PCDH9: variants seen among roughly 807,000 people sequenced by gnomAD.
PCDH9 encodes protocadherin-9.
A neutral mutation model predicts 70.6 loss-of-function variants in PCDH9; 24 were observed. The ratio of observed to expected loss-of-function variants is 0.34; its 90% CI spans 0.25 to 0.48. The LOEUF (loss-of-function observed/expected upper bound fraction) is 0.48. PCDH9 is among the 20% of genes least tolerant of loss of function. PCDH9 has a pLI of 0.99. For missense variants in PCDH9, 1,281 were observed against 1,503.6 expected (o/e 0.85, Z 2.45); for synonymous variants, 562 against 558.5 (o/e 1.01, Z -0.09).
At chr13:66,813,713 C>G (rs1252450398) in intron 3 of PCDH9, among the ~76,000 whole-genome samples, 2 of 152,080 alleles carry the variant, frequency 1.3e-5, no homozygotes, top group South Asian at 4.1e-4. Context: ...TCAAATATAA[C>G]AGGTTAACCA....
intron 3 of PCDH9, among the ~76,000 whole-genome samples, chr13:66,834,084 A>G (rs12429996): frequency 0.35 from 53,670 of 151,398 alleles, 10,144 homozygotes; most frequent in Non-Finnish European, 0.43. Context: ...ATCTTTATAC[A>G]TTGATGTCCC....
chr13:67,048,863 T>C (rs1438928522), intron 2 of PCDH9, among the ~76,000 whole-genome samples: 2 of 152,116 alleles, frequency 1.3e-5, no homozygotes, highest in Non-Finnish European at 2.9e-5. Context: ...GGTTCTTCTG[T>C]TATACCGGCA....
intron 4 of PCDH9, among the ~76,000 whole-genome samples, chr13:66,582,949 C>T (rs2076912492): frequency 6.6e-6 from 1 of 152,134 alleles, no homozygotes; most frequent in Non-Finnish European, 1.5e-5. Context: ...TCCACCCAAA[C>T]ACATGATTAT....
intron 3 of PCDH9, among the ~76,000 whole-genome samples, chr13:66,767,643 T>C (rs1885949): frequency 0.18 from 27,452 of 151,944 alleles, 3,107 homozygotes; most frequent in East Asian, 0.43. Flanking sequence ...AAAAGGTTCC[T>C]GTAACTTTTT....
At chr13:66,915,601 C>G (rs1192549600) in intron 2 of PCDH9, among the ~76,000 whole-genome samples, 1 of 151,560 alleles carries the variant, frequency 6.6e-6, no homozygotes, top group African/African-American at 2.4e-5. Flanking sequence ...TGCAATCACC[C>G]AAACAGCTAC....
chr13:66,977,734 T>C lies in PCDH9; in HGVS notation c.3037-74129A>G, dbSNP rs77822782. Among the ~76,000 whole-genome samples the C allele has an allele frequency of 4.5e-4, 69 of 152,164 alleles. No homozygotes were observed. In the East Asian group the frequency reaches 0.013, roughly 28 times the overall value. ...GCAGAAGGTATCTCTCCAGAGTACT[T>C]CAGATCATCCTAAAAGCAGCATCAT... On this transcript the variant is annotated intron_variant, in intron 2 of 4. Coordinates refer to ENST00000377865, the MANE Select transcript of PCDH9 (RefSeq NM_203487.3).
At chr13:66,979,083 T>G in intron 2 of PCDH9, among the ~76,000 whole-genome samples, 1 of 152,126 alleles carries the variant, frequency 6.6e-6, no homozygotes, top group East Asian at 1.9e-4. Flanking sequence ...CATGACGTTT[T>G]GTTTTGTTTC....
intron 3 of PCDH9, among the ~76,000 whole-genome samples, chr13:66,766,378 A>T (rs1365107291): frequency 6.6e-6 from 1 of 152,050 alleles, no homozygotes; most frequent in Non-Finnish European, 1.5e-5. Context: ...GCACACAAAT[A>T]TAAGATACAT....
chr13:67,174,621 G>A (rs527365214), intron 2 of PCDH9, among the ~76,000 whole-genome samples: 2 of 152,204 alleles, frequency 1.3e-5, no homozygotes, highest in South Asian at 4.2e-4. Context: ...TCTTAAACTA[G>A]CTTTCAATTT....
At chr13:67,010,821 G>T (rs979705454) in intron 2 of PCDH9, among the ~76,000 whole-genome samples, 1 of 151,996 alleles carries the variant, frequency 6.6e-6, no homozygotes, top group Non-Finnish European at 1.5e-5. Flanking sequence ...ATGGGAGGTA[G>T]AAACTAGTGG....
At chr13:66,390,794 G>T (rs76024175) in intron 4 of PCDH9, among the ~76,000 whole-genome samples, 1 of 152,020 alleles carries the variant, frequency 6.6e-6, no homozygotes, top group East Asian at 1.9e-4. Flanking sequence ...AGAGACTATG[G>T]CTATCACATG....
At chr13:66,772,649 A>T (rs1359922701) in intron 3 of PCDH9, among the ~76,000 whole-genome samples, 1 of 152,152 alleles carries the variant, frequency 6.6e-6, no homozygotes, top group Non-Finnish European at 1.5e-5. Context: ...TAATATTTCT[A>T]AATGTCACAA....
At chr13:66,611,621 G>A (rs1055172064) in intron 4 of PCDH9, among the ~76,000 whole-genome samples, 1 of 152,140 alleles carries the variant, frequency 6.6e-6, no homozygotes, top group African/African-American at 2.4e-5. Context: ...ATGCAGTTAA[G>A]ATTAGCTTGA....
intron 2 of PCDH9, among the ~76,000 whole-genome samples, chr13:67,056,537 C>T (rs949331734): frequency 6.6e-6 from 1 of 152,126 alleles, no homozygotes; most frequent in Non-Finnish European, 1.5e-5. Context: ...CTTAGAGTTA[C>T]TTGCATTTCA....
intron 3 of PCDH9, among the ~76,000 whole-genome samples, chr13:66,656,934 T>C (rs2077938979): frequency 6.6e-6 from 1 of 152,142 alleles, no homozygotes; most frequent in Non-Finnish European, 1.5e-5. Flanking sequence ...ATCTGAACTT[T>C]TAAAAAGGAG....
chr13:66,885,610 T>C (rs1460123705), intron 3 of PCDH9, among the ~76,000 whole-genome samples: 1 of 152,156 alleles, frequency 6.6e-6, no homozygotes, highest in Admixed American at 6.6e-5. Flanking sequence ...TGCATTTATA[T>C]TGCCAAACTA....
At chr13:66,527,152 TTATATAAAACTTA>T (rs1960252433) in intron 4 of PCDH9, among the ~76,000 whole-genome samples, 2 of 152,154 alleles carry the variant, frequency 1.3e-5, no homozygotes, top group African/African-American at 4.8e-5. Context: ...AGATACCTGA[TTATATAAAACTTA>T]TGTTTTACCT....
intron 4 of PCDH9, among the ~76,000 whole-genome samples, chr13:66,329,919 GA>G (rs1180038021): frequency 6.6e-5 from 10 of 151,898 alleles, no homozygotes; most frequent in African/African-American, 1.4e-4. Context: ...TGCATTTCTA[GA>G]AAAAAAATGC....
At chr13:66,730,070 G>A (rs1331205287) in intron 3 of PCDH9, among the ~76,000 whole-genome samples, 1 of 152,008 alleles carries the variant, frequency 6.6e-6, no homozygotes, top group Non-Finnish European at 1.5e-5. Context: ...TCTACAGTGG[G>A]CCTATAGCCC....
Sources: allele counts gnomAD v4.1 joint callset (sites outside exome capture counted in the v4.1 genomes callset), GRCh38; gene constraint gnomAD v4.1.1; transcripts MANE v1.5; gene names NCBI Gene and HGNC (gene_info 2026-07-23, HGNC 2026-07-21).